ATP12A: variants seen among roughly 807,000 people sequenced by gnomAD.
ATP12A encodes potassium-transporting ATPase alpha chain 2.
Under a neutral mutation model 111.2 loss-of-function variants are expected in ATP12A, and 81 were observed. That is an observed-to-expected ratio of 0.73 (90% confidence interval 0.61 to 0.88). ATP12A has a LOEUF of 0.88. Ranked by LOEUF, ATP12A falls within the 40% of genes least tolerant of loss-of-function variation. The probability of loss-of-function intolerance (pLI) is 0.00; values close to 1 mark genes in which losing one functional copy is unlikely to be tolerated. For synonymous variants in ATP12A, 498 were observed against 499.8 expected, an observed-to-expected ratio of 1.00 and a Z score of 0.05; for missense variants, 1,196 against 1,313.1, an observed-to-expected ratio of 0.91 and a Z score of 1.38.
In ATP12A at chr13:24,700,809, G is replaced by A. The variant is rs759125879; in HGVS notation, c.1768G>A (p.Ala590Thr). ...AGAAACCTACTCATTTGACATAGAC[G>A]CTATGAACTTTCCGACCTCCAACCT... ...FPETYSFDID[A>T]MNFPTSNLCF... The change falls in exon 13 of 23, where the codon GCT becomes ACT. Residue 590 changes from alanine (A) to threonine (T), a missense_variant. By Grantham distance (58) the Ala-to-Thr change is moderately conservative (BLOSUM62 0). Coordinates refer to ENST00000381946, the MANE Select transcript of ATP12A (RefSeq NM_001676.7). 8.7e-6 allele frequency: 14 copies of A among 1,614,022 alleles called. No individual in the cohort carries two copies. In the East Asian group the frequency reaches 1.3e-4, roughly 15 times the overall value.
At position 24,680,714 on chromosome 13, in the gene ATP12A, G is replaced by A; in HGVS notation, c.-30G>A. The A allele has an allele frequency of 1.3e-6, 2 of 1,501,096 alleles. No homozygotes were observed. Among genetic ancestry groups the A allele is most frequent in the East Asian group, 2.8e-5 (1 of 36,296 alleles). 93.0% of individuals were successfully genotyped at this position (1,501,096 alleles called of 1,614,324 possible). A position where few individuals can be genotyped will look rare whatever the true frequency, so the allele number is the denominator to read the frequency against. ...CTGCGGTCCCGGATCCGCGCTCCAC[G>A]CCCGCAGCCCGCGGCGCCACCAGCC... On this transcript the variant is annotated 5_prime_UTR_variant, in exon 1 of 23. Transcript: ENST00000381946.
In ATP12A at chr13:24,709,424, C is replaced by T. The variant is rs762399901; in HGVS notation, c.2554C>T (p.Arg852Cys). ...AESDIMNRKP[R>C]HKNKDRLVNQ... is the part of the protein sequence containing the mutation. Reference sequence around the variant, plus strand: ...AAGTGACATCATGAACAGGAAGCCTCGCCACAAGAATAAGGACAGGCTGGT... The same window carrying T: ...AAGTGACATCATGAACAGGAAGCCTTGCCACAAGAATAAGGACAGGCTGGT... The change falls in exon 18 of 23, where the codon CGC (arginine) becomes TGC (cysteine). Residue 852 changes from arginine (R) to cysteine (C), a missense_variant. This residue lies in a region of ATP12A where 1,126 missense variants were observed against 1,228.5 expected (regional missense o/e 0.92). Transcript: ENST00000381946. 2 of 1,613,994 alleles carry T rather than the reference C, an allele frequency of 1.2e-6. No individual in the cohort carries two copies. Among genetic ancestry groups the T allele is most frequent in the Middle Eastern group, 1.7e-4 (1 of 6,060 alleles).
intron 14 of ATP12A, among the ~76,000 whole-genome samples, chr13:24,705,798 T>C (rs1875604286): frequency 1.3e-5 from 2 of 152,200 alleles, no homozygotes; most frequent in East Asian, 1.9e-4. Flanking sequence ...GCCTGCTGAG[T>C]AGCTGGGACC....
chr13:24,682,146 G>A (rs62648238), intron 2 of ATP12A, among the ~76,000 whole-genome samples: 12,156 of 116,048 alleles, frequency 0.1, 1,082 homozygotes, highest in South Asian at 0.13. Flanking sequence ...GTATATGTGT[G>A]TGGTGTGTGT....
At position 24,706,356 on chromosome 13, in the gene ATP12A, A is replaced by G; in HGVS notation, c.2062A>G (p.Met688Val). 1.2e-6 allele frequency: 2 copies of G among 1,614,218 alleles called. No homozygotes were observed. The highest frequency in any genetic ancestry group is 2.2e-5 in the South Asian group (2 of 91,088). The change falls in exon 15 of 23, where the codon ATG (methionine) becomes GTG (valine). Residue 688 changes from methionine (M) to valine (V), a missense_variant. Met to Val is a conservative substitution (Grantham distance 21, BLOSUM62 1). Around this residue, in one of 3 missense-constraint regions of ATP12A, gnomAD observed 1,126 missense variants for 1,228.5 expected, o/e 0.92. Coordinates refer to ENST00000381946, the MANE Select transcript of ATP12A (RefSeq NM_001676.7). ...GGTGACTGGCATGGAGCTGAAGGAC[A>G]TGAGCTCAGAACAGCTGGATGAGAT... ...AVVTGMELKD[M>V]SSEQLDEILA...
In ATP12A at chr13:24,694,556, T is replaced by C. The variant is rs2092214506; in HGVS notation, c.1490T>C (p.Phe497Ser). 3 of 1,613,208 alleles carry C rather than the reference T, an allele frequency of 1.9e-6. No individual in the cohort carries two copies. Among genetic ancestry groups the C allele is most frequent in the African/African-American group, 2.7e-5 (2 of 74,896 alleles). ...AACCGCAAAGTAGCTGAAATCCCTTTTAACTCTACTAATAAATTTCAGGTG... is the reference window on the plus strand; with the variant it reads ...AACCGCAAAGTAGCTGAAATCCCTTCTAACTCTACTAATAAATTTCAGGTG... ...KRNRKVAEIP[F>S]NSTNKFQLSI... is the part of the protein sequence containing the mutation. Residue 497 changes from phenylalanine to serine, a missense_variant, in exon 11 of 23, where the codon TTT becomes TCT. Phe to Ser is a radical substitution (Grantham distance 155). This residue lies in a region of ATP12A where 1,126 missense variants were observed against 1,228.5 expected (regional missense o/e 0.92). Coordinates refer to ENST00000381946, the MANE Select transcript of ATP12A (RefSeq NM_001676.7).
chr13:24,696,332 G>A lies in ATP12A; in HGVS notation c.1512+1754G>A, dbSNP rs544991383. On this transcript the variant is annotated intron_variant, in intron 11 of 22. Coordinates refer to ENST00000381946, the MANE Select transcript of ATP12A (RefSeq NM_001676.7). Reference sequence around the variant, plus strand: ...TCCCAAGGTAAAGGCATGCCCAGTTGCAAAAGGGAGAAAAAGCAGGTTCCA... The same window carrying A: ...TCCCAAGGTAAAGGCATGCCCAGTTACAAAAGGGAGAAAAAGCAGGTTCCA... Among the ~76,000 whole-genome samples, 4 of 152,182 alleles carry A rather than the reference G, an allele frequency of 2.6e-5. 1 individual carries two copies. Among genetic ancestry groups the A allele is most frequent in the South Asian group, 2.1e-4 (1 of 4,818 alleles).
intron 11 of ATP12A, 67 bp from the exon 12 acceptor site, chr13:24,698,591 A>C: frequency 6.7e-7 from 1 of 1,503,736 alleles, no homozygotes; most frequent in Non-Finnish European, 9.0e-7. Context: ...CATTTAATGG[A>C]CCAGTAGAGA....
intron 2 of ATP12A, among the ~76,000 whole-genome samples, chr13:24,682,943 A>G (rs1253642302): frequency 6.8e-6 from 1 of 147,694 alleles, no homozygotes; most frequent in East Asian, 2.0e-4. Context: ...AGAGCTCTGG[A>G]GTTATTAAAA....
rs1876009386 is a variant in ATP12A, at chr13:24,712,343, G to GTGCT, written c.*822_*825dup. ...TTATTTCTTGTAAAACAGTTGCCAG[G>GTGCT]TGCTCTCCAGCAATAACGTTTTGTC... On this transcript the variant is annotated 3_prime_UTR_variant, in exon 23 of 23. Coordinates refer to ENST00000381946, the MANE Select transcript of ATP12A (RefSeq NM_001676.7). The GTGCT allele has an allele frequency of 6.6e-6, 1 of 152,160 alleles. No homozygotes were observed. Among genetic ancestry groups the GTGCT allele is most frequent in the South Asian group, 2.1e-4 (1 of 4,828 alleles). 9.4% of individuals were successfully genotyped at this position (152,160 alleles called of 1,614,324 possible).
intron 11 of ATP12A, among the ~76,000 whole-genome samples, chr13:24,695,082 G>A (rs1314278028): frequency 6.6e-6 from 1 of 152,196 alleles, no homozygotes; most frequent in Non-Finnish European, 1.5e-5. Flanking sequence ...TGACTCAGAG[G>A]AGGAAGCAGG....
intron 10 of ATP12A, among the ~76,000 whole-genome samples, chr13:24,693,841 A>C (rs116132071): frequency 4.3e-4 from 66 of 152,376 alleles, no homozygotes; most frequent in African/African-American, 1.4e-3. Flanking sequence ...AGTATTTGTC[A>C]GCAGTACCTT....
rs895423 is a variant in ATP12A, at chr13:24,709,356, C to T, written c.2494-8C>T. 0.11 allele frequency: 177,583 copies of T among 1,558,786 alleles called. 10,414 individuals are homozygous for T. Among genetic ancestry groups the T allele is most frequent in the South Asian group, 0.14 (12,827 of 90,420 alleles). On this transcript the variant is annotated splice_region_variant and splice_polypyrimidine_tract_variant and intron_variant, in intron 17 of 22. Transcript: ENST00000381946. ...GGGGTTAGACCTCACCAGCCTCTTC[C>T]CCTCTAGATCCCCTCCATTGCCTTG...
chr13:24,707,274 C>G lies in ATP12A; in HGVS notation c.2339-5C>G. 1 of 1,614,164 alleles carries G rather than the reference C, an allele frequency of 6.2e-7. No individual in the cohort carries two copies. The highest frequency in any genetic ancestry group is 1.1e-5 in the South Asian group (1 of 91,076). ...AAGTTCTGAAGGAGAAACCTCTCTG[C>G]CTAGGTCGCCTGATCTTTGACAACC... On this transcript the variant is annotated splice_polypyrimidine_tract_variant and splice_region_variant and intron_variant, in intron 16 of 22. Transcript: ENST00000381946.
intron 8 of ATP12A, among the ~76,000 whole-genome samples, chr13:24,692,097 G>A (rs1874927611): frequency 6.6e-6 from 1 of 152,166 alleles, no homozygotes; most frequent in Non-Finnish European, 1.5e-5. Context: ...TCCTGCTTAG[G>A]GATCACAGGA....
In ATP12A at chr13:24,680,749, C is replaced by A. The variant is rs1334856604; in HGVS notation, c.6C>A (p.His2Gln). 6 of 1,500,986 alleles carry A rather than the reference C, an allele frequency of 4.0e-6. No homozygotes were observed. The highest frequency in any genetic ancestry group is 5.3e-6 in the Non-Finnish European group (6 of 1,132,396). 93.0% of individuals were successfully genotyped at this position (1,500,986 alleles called of 1,614,324 possible). A position where few individuals can be genotyped will look rare whatever the true frequency, so the allele number is the denominator to read the frequency against. Residue 2 changes from histidine to glutamine, a missense_variant, in exon 1 of 23, where the codon CAC becomes CAA. Coordinates refer to ENST00000381946, the MANE Select transcript of ATP12A (RefSeq NM_001676.7). M[H>Q]QKTPEIYSVE... is the part of the protein sequence containing the mutation. The stretch of plus-strand genomic sequence containing the variant: ...CGCGGCGCCACCAGCCCAGCATGCA[C>A]CAGGTGCGTGCAGCCCCCGCGCCGG...
intron 17 of ATP12A, 71 bp from the exon 18 acceptor site, chr13:24,709,293 A>G (rs919457068): frequency 1.4e-4 from 12 of 87,316 alleles, no homozygotes; most frequent in Non-Finnish European, 2.1e-4. Flanking sequence ...CACCCACCCC[A>G]GCCCCCCTCC....
chr13:24,689,781 C>T (rs1385678850), intron 5 of ATP12A, among the ~76,000 whole-genome samples: 1 of 152,130 alleles, frequency 6.6e-6, no homozygotes, highest in African/African-American at 2.4e-5. Flanking sequence ...CCCTTCTTCC[C>T]CAAAAACCCC....
chr13:24,709,550 G>A, intron 18 of ATP12A, 63 bp downstream of exon 18: 1 of 1,600,236 alleles, frequency 6.2e-7, no homozygotes, highest in Non-Finnish European at 8.5e-7. Flanking sequence ...ACTGGAGTGG[G>A]GGGCACAGCC....
Sources: gnomAD v4.1 joint callset for allele counts (sites outside exome capture counted in the v4.1 genomes callset) on GRCh38, gnomAD v4.1.1 for gene constraint, gnomAD v4.1.1 regional missense constraint, MANE v1.5 for transcripts, NCBI Gene and HGNC (gene_info 2026-07-23, HGNC 2026-07-21) for gene names.